TGFA: variants seen among roughly 807,000 people sequenced by gnomAD.
TGFA encodes the protein protransforming growth factor alpha.
Under a neutral mutation model 21.7 loss-of-function variants are expected in TGFA, and 12 were observed. The observed-to-expected ratio is 0.55, with a 90% CI of 0.35 to 0.90. The LOEUF is 0.90. Ranked by LOEUF, TGFA falls within the 40% of genes least tolerant of loss-of-function variation. TGFA has a pLI of 0.01. For synonymous variants in TGFA, 79 were observed against 88.1 expected (o/e 0.90, Z 0.58); for missense variants, 178 against 210.8 (o/e 0.84, Z 0.96).
At chr2:70,525,554 C>T (rs962782137) in intron 1 of TGFA, among the ~76,000 whole-genome samples, 1 of 152,176 alleles carries the variant, frequency 6.6e-6, no homozygotes, top group African/African-American at 2.4e-5. Flanking sequence ...ATTTCTCAAC[C>T]CACATCACAC....
chr2:70,524,994 C>T (rs1321682176), intron 1 of TGFA, among the ~76,000 whole-genome samples: 4 of 152,182 alleles, frequency 2.6e-5, no homozygotes, highest in Non-Finnish European at 2.9e-5. Flanking sequence ...TGCTGGTGTG[C>T]ACCTCGGGCC....
chr2:70,542,243 T>A (rs1673154465), intron 1 of TGFA, among the ~76,000 whole-genome samples: 1 of 152,204 alleles, frequency 6.6e-6, no homozygotes, highest in Admixed American at 6.5e-5. Flanking sequence ...ACCTTGTTTA[T>A]CAGCTTCAGC....
intron 2 of TGFA, among the ~76,000 whole-genome samples, chr2:70,508,584 T>C (rs1245101876): frequency 6.6e-6 from 1 of 152,240 alleles, no homozygotes; most frequent in Non-Finnish European, 1.5e-5. Context: ...AGAAGTGATA[T>C]GGGTGTAATT....
rs139864373 is a variant in TGFA, at chr2:70,551,074, A to ATGATG, written c.40+2653_40+2654insCATCA. On this transcript the variant is annotated intron_variant, in intron 1 of 5. Transcript: ENST00000295400. ...CTATGGGGCCCAAAGTAACAACAACAATGATGATGATGATAAGATTAAGAT... is the reference window on the plus strand; with the variant it reads ...CTATGGGGCCCAAAGTAACAACAACATGATGATGATGATGATGATAAGATTAAGAT... Among the ~76,000 whole-genome samples the ATGATG allele has an allele frequency of 7.9e-3, 1,204 of 151,968 alleles. 16 individuals are homozygous for ATGATG. Among genetic ancestry groups the ATGATG allele is most frequent in the African/African-American group, 0.026 (1,091 of 41,484 alleles).
intron 1 of TGFA, among the ~76,000 whole-genome samples, chr2:70,529,178 A>T (rs1672734912): frequency 6.6e-6 from 1 of 152,190 alleles, no homozygotes; most frequent in Non-Finnish European, 1.5e-5. Flanking sequence ...CATTGCCCAG[A>T]ACAGTGCCTG....
intron 1 of TGFA, among the ~76,000 whole-genome samples, chr2:70,524,783 G>A (rs1198936465): frequency 6.6e-6 from 1 of 152,196 alleles, no homozygotes; most frequent in African/African-American, 2.4e-5. Flanking sequence ...ACAGGGCCCT[G>A]GGCCCTTTGC....
At chr2:70,543,576 CA>C (rs1673201574) in intron 1 of TGFA, among the ~76,000 whole-genome samples, 1 of 148,628 alleles carries the variant, frequency 6.7e-6, no homozygotes, top group East Asian at 1.9e-4. Context: ...GCCACAGATA[CA>C]AAAAATGTTT....
chr2:70,547,671 A>G (rs1673350390), intron 1 of TGFA, among the ~76,000 whole-genome samples: 1 of 148,910 alleles, frequency 6.7e-6, no homozygotes, highest in Non-Finnish European at 1.5e-5. Flanking sequence ...AGATACTTAC[A>G]CTATCTATAT....
At chr2:70,498,068 T>C (rs1357046478) in intron 2 of TGFA, among the ~76,000 whole-genome samples, 1 of 152,226 alleles carries the variant, frequency 6.6e-6, no homozygotes, top group Non-Finnish European at 1.5e-5. Flanking sequence ...TACATAACAG[T>C]AGCATTCCAA....
intron 2 of TGFA, among the ~76,000 whole-genome samples, chr2:70,486,998 G>A (rs1364401112): frequency 1.3e-5 from 2 of 152,118 alleles, no homozygotes; most frequent in African/African-American, 4.8e-5. Flanking sequence ...TCCTGACCTC[G>A]TGATCTGCCC....
chr2:70,481,403 C>T (rs1401801896), intron 2 of TGFA, among the ~76,000 whole-genome samples: 6 of 152,192 alleles, frequency 3.9e-5, no homozygotes, highest in African/African-American at 1.4e-4. Flanking sequence ...TTAACATCTG[C>T]CTCCCAGAAA....
chr2:70,528,469 T>C (rs1672708657), intron 1 of TGFA, among the ~76,000 whole-genome samples: 1 of 113,782 alleles, frequency 8.8e-6, no homozygotes, highest in Admixed American at 1.3e-4. Context: ...GAAAGAGGCA[T>C]GGAAAAGGCA....
At chr2:70,459,122 T>C (rs782022405) in intron 3 of TGFA, among the ~76,000 whole-genome samples, 5 of 152,180 alleles carry the variant, frequency 3.3e-5, no homozygotes, top group African/African-American at 4.8e-5. Flanking sequence ...TCACACAGCT[T>C]GAAACGTTTC....
At chr2:70,508,215 C>T (rs548981814) in intron 2 of TGFA, among the ~76,000 whole-genome samples, 11 of 152,188 alleles carry the variant, frequency 7.2e-5, no homozygotes, top group South Asian at 4.2e-4. Flanking sequence ...GACGCTGAGG[C>T]GGGTGGATCA....
At chr2:70,550,816 G>A (rs1199937362) in intron 1 of TGFA, among the ~76,000 whole-genome samples, 1 of 152,108 alleles carries the variant, frequency 6.6e-6, no homozygotes, top group Non-Finnish European at 1.5e-5. Flanking sequence ...GCGAGACTCC[G>A]TCTCAAAAAA....
chr2:70,543,314 G>C (rs1673191072), intron 1 of TGFA, among the ~76,000 whole-genome samples: 2 of 151,838 alleles, frequency 1.3e-5, no homozygotes, highest in Admixed American at 6.6e-5. Context: ...GATCTCTTGA[G>C]TCCAGGAGTT....
chr2:70,504,483 TAC>T (rs58997765), intron 2 of TGFA, among the ~76,000 whole-genome samples: 9,375 of 91,190 alleles, frequency 0.1, 557 homozygotes, highest in Non-Finnish European at 0.13. Flanking sequence ...CATACATACA[TAC>T]ACACACACAC....
At chr2:70,463,080 G>A (rs1490417661) in intron 3 of TGFA, among the ~76,000 whole-genome samples, 1 of 152,128 alleles carries the variant, frequency 6.6e-6, no homozygotes, top group African/African-American at 2.4e-5. Flanking sequence ...GGGTTCTGGT[G>A]CTGGAATGAT....
At chr2:70,470,678 A>ATGACAT (rs1313196894) in intron 2 of TGFA, among the ~76,000 whole-genome samples, 1 of 152,216 alleles carries the variant, frequency 6.6e-6, no homozygotes, top group African/African-American at 2.4e-5. Flanking sequence ...GTGATGGCAG[A>ATGACAT]TGACATGTGG....
Sources: allele counts gnomAD v4.1 joint callset (sites outside exome capture counted in the v4.1 genomes callset), GRCh38; gene constraint gnomAD v4.1.1; transcripts MANE v1.5; gene names NCBI Gene and HGNC (gene_info 2026-07-23, HGNC 2026-07-21).